Variants in SLC4A2 observed in about 807,000 individuals in gnomAD.
SLC4A2 encodes the protein solute carrier family 4 member 2.
SLC4A2 carries 36 observed loss-of-function variants against 115.0 expected under a neutral mutation model. The observed-to-expected ratio is 0.31, with a 90% CI of 0.24 to 0.41. The LOEUF (loss-of-function observed/expected upper bound fraction) is 0.41, where lower values mean the gene tolerates loss of function less well. Among genes scored for constraint, SLC4A2 ranks in the 10% least tolerant of loss-of-function variants. The probability of loss-of-function intolerance (pLI) is 1.00; values close to 1 mark genes in which losing one functional copy is unlikely to be tolerated. For synonymous variants in SLC4A2, 708 were observed against 708.3 expected (o/e 1.00, Z 0.01); for missense variants, 1,252 against 1,705.6 (o/e 0.73, Z 4.68).
intron 2 of SLC4A2, chr7:151,063,200 T>TG: frequency 1.3e-5 from 1 of 78,152 alleles, no homozygotes; most frequent in Admixed American, 5.5e-4. Context: ...GTGGGGGCTG[T>TG]GGGGGTGGGG....
At chr7:151,075,174 TG>T in intron 19 of SLC4A2, 80 bp from the exon 20 acceptor site, 1 of 1,575,126 alleles carries the variant, frequency 6.3e-7, no homozygotes, top group Middle Eastern at 1.7e-4. Context: ...ATGGAGGGAC[TG>T]GCTGGGCATT....
chr7:151,064,783 G>A lies in SLC4A2; in HGVS notation c.459+16G>A, dbSNP rs769695439. The A allele has an allele frequency of 6.2e-7, 1 of 1,607,216 alleles. No homozygotes were observed. Among genetic ancestry groups the A allele is most frequent in the Non-Finnish European group, 8.5e-7 (1 of 1,175,078 alleles). On this transcript the variant is annotated intron_variant, in intron 4 of 22. Coordinates refer to ENST00000413384, the MANE Select transcript of SLC4A2 (RefSeq NM_003040.4). ...CTCGGTGCAGGTGCGCTGGGTGCGGGCTCCTAGGGCATGTCGGCAGGGCCC... is the reference window on the plus strand; with the variant it reads ...CTCGGTGCAGGTGCGCTGGGTGCGGACTCCTAGGGCATGTCGGCAGGGCCC...
In SLC4A2 at chr7:151,071,696, G is replaced by A. The variant is rs753102340; in HGVS notation, c.2199G>A (p.Lys733=). 57 of 1,609,888 alleles carry A rather than the reference G, an allele frequency of 3.5e-5. No individual in the cohort carries two copies. The highest frequency in any genetic ancestry group is 4.8e-5 in the Non-Finnish European group (56 of 1,177,532). ...AITFGGLLGE[K]TQDLIGVSEL... ...TGGTTCCTACACCCCTAGGAGAGAA[G>A]ACGCAGGACCTGATAGGGGTGTCGG... The change falls in exon 15 of 23, where the codon AAG becomes AAA. Residue 733 remains lysine (K), a synonymous_variant. Coordinates refer to ENST00000413384, the MANE Select transcript of SLC4A2 (RefSeq NM_003040.4). The surrounding 1 kb of genome is among the most constrained non-coding windows in gnomAD (Gnocchi z 5.5).
chr7:151,070,383 G>A (rs1272859940), intron 10 of SLC4A2, 37 bp downstream of exon 10: 3 of 1,610,516 alleles, frequency 1.9e-6, no homozygotes, highest in Admixed American at 1.7e-5. Context: ...GCTGGCGGCA[G>A]GGCTGAGGAA....
rs759125432 is a variant in SLC4A2 at position 151,075,244 on chromosome 7, C to T, written c.3048-11C>T. On this transcript the variant is annotated splice_polypyrimidine_tract_variant and intron_variant, in intron 19 of 22. Coordinates refer to ENST00000413384, the MANE Select transcript of SLC4A2 (RefSeq NM_003040.4). ...CAGCCTGGGCCTCAGCAGCACCCCT[C>T]CCGCTCTCAGGCTCATCATCTCCAA... The T allele has an allele frequency of 5.6e-6, 9 of 1,612,088 alleles. No individual in the cohort carries two copies. In the South Asian group the frequency reaches 9.9e-5, roughly 18 times the overall value.
chr7:151,061,737 A>C, intron 1 of SLC4A2, 188 bp from the exon 2 acceptor site: 1 of 505,930 alleles, frequency 2.0e-6, no homozygotes, highest in Non-Finnish European at 3.6e-6. Context: ...CCCTCGCCTC[A>C]GTCCTCTCCT....
chr7:151,070,409 C>CAA, intron 10 of SLC4A2, 48 bp from the exon 11 acceptor site: 1 of 1,611,772 alleles, frequency 6.2e-7, no homozygotes, highest in Non-Finnish European at 8.5e-7. Flanking sequence ...GGTGTGGACT[C>CAA]AGAGTGGGAG....
chr7:151,076,172 C>G lies in SLC4A2; in HGVS notation c.3631C>G (p.Arg1211Gly), dbSNP rs375284531. The G allele has an allele frequency of 1.9e-6, 3 of 1,611,260 alleles. No homozygotes were observed. The highest frequency in any genetic ancestry group is 3.3e-5 in the Admixed American group (2 of 59,974). Residue 1211 changes from arginine (R) to glycine (G), a missense_variant, in exon 22 of 23, where the codon CGA (arginine) becomes GGA (glycine). Coordinates refer to ENST00000413384, the MANE Select transcript of SLC4A2 (RefSeq NM_003040.4). ...GGTGCTCACCCGTATCTTCACCGAC[C>G]GAGAGATGAAATGTGTAAGCCCTCC... ...MVVLTRIFTDREMKCLDANEA... is the reference protein window; with the variant it reads ...MVVLTRIFTDGEMKCLDANEA...
chr7:151,072,248 C>T (rs1440360212), intron 16 of SLC4A2, 112 bp downstream of exon 16: 7 of 857,426 alleles, frequency 8.2e-6, no homozygotes, highest in Admixed American at 2.3e-5. Flanking sequence ...GGAGCATCCC[C>T]GGGGCTTGTT....
chr7:151,062,693 A>AT (rs1181771438), intron 2 of SLC4A2: 1 of 1,489,042 alleles, frequency 6.7e-7, no homozygotes, highest in East Asian at 2.7e-5. Context: ...CTCTCTCCCC[A>AT]TGGCGGCAAG....
chr7:151,076,400 A>G lies in SLC4A2; in HGVS notation c.*33A>G, dbSNP rs746612432. Reference sequence around the variant, plus strand: ...CGAGGGACAGCCGAGGGACCGATGGACGAGGGGACAGGCTGGTGGGATGGG... The same window carrying G: ...CGAGGGACAGCCGAGGGACCGATGGGCGAGGGGACAGGCTGGTGGGATGGG... On this transcript the variant is annotated 3_prime_UTR_variant, in exon 23 of 23. Transcript: ENST00000413384. 8 of 1,450,446 alleles carry G rather than the reference A, an allele frequency of 5.5e-6. No homozygotes were observed. The East Asian group carries it at 1.8e-4, about 32-fold the overall frequency. 89.8% of individuals were successfully genotyped at this position (1,450,446 alleles called of 1,614,324 possible).
At chr7:151,068,414 G>T (rs953814328) in intron 8 of SLC4A2, among the ~76,000 whole-genome samples, 1 of 152,154 alleles carries the variant, frequency 6.6e-6, no homozygotes, top group African/African-American at 2.4e-5. Flanking sequence ...TCCAAGCCCT[G>T]TGTTTGCTTG....
Position 151,069,936 on chromosome 7 carries a change from T to C in SLC4A2, c.1148-11T>C, listed in dbSNP as rs778552612. The C allele has an allele frequency of 6.8e-6, 11 of 1,613,718 alleles. No individual in the cohort carries two copies. In the East Asian group the frequency reaches 2.5e-4, roughly 36 times the overall value. On this transcript the variant is annotated splice_polypyrimidine_tract_variant and intron_variant, in intron 8 of 22. Coordinates refer to ENST00000413384, the MANE Select transcript of SLC4A2 (RefSeq NM_003040.4). Reference sequence around the variant, plus strand: ...TGGGGCTGAGGGGCCCTCTGTGCCATCTTATGCTAGGGGCTGTGCTCTTGG... The same window carrying C: ...TGGGGCTGAGGGGCCCTCTGTGCCACCTTATGCTAGGGGCTGTGCTCTTGG...
chr7:151,075,325 G>A lies in SLC4A2; in HGVS notation c.3118G>A (p.Val1040Met), dbSNP rs1797587086. The A allele has an allele frequency of 5.0e-6, 8 of 1,613,314 alleles. No homozygotes were observed. The highest frequency in any genetic ancestry group is 1.6e-4 in the Middle Eastern group (1 of 6,062). The change falls in exon 20 of 23, where the codon GTG becomes ATG. Residue 1040 changes from valine (V) to methionine (M), a missense_variant. Transcript: ENST00000413384. Reference protein sequence around the residue: ...SGFHLDLLLIVAMGGICALFG... With the variant: ...SGFHLDLLLIMAMGGICALFG... ...CTTCCACCTGGACCTGCTGCTCATC[G>A]TGGCCATGGGCGGCATCTGTGCCCT...
intron 2 of SLC4A2, chr7:151,063,179 G>A (rs1412755326): frequency 6.9e-7 from 1 of 1,440,962 alleles, no homozygotes; most frequent in Non-Finnish European, 9.2e-7. Context: ...CGCGCCCGCA[G>A]GATGACTCAG....
chr7:151,064,628 G>A lies in SLC4A2; in HGVS notation c.320G>A (p.Arg107Gln), dbSNP rs145741704. The A allele has an allele frequency of 2.6e-3, 4,255 of 1,613,592 alleles. 9 individuals are homozygous for A. The highest frequency in any genetic ancestry group is 3.3e-3 in the Non-Finnish European group (3,879 of 1,179,836). ...KTPQGPGRKPRRRPGASPTGE... is the reference protein window; with the variant it reads ...KTPQGPGRKPQRRPGASPTGE... The stretch of plus-strand genomic sequence containing the variant: ...CCCCAGGGCCCAGGACGGAAGCCTC[G>A]AAGGCGCCCGGGAGCCTCCCCGACT... Residue 107 changes from arginine (R) to glutamine (Q), a missense_variant, in exon 4 of 23, where the codon CGA becomes CAA. This residue lies in a region of SLC4A2 where 215 missense variants were observed against 205.2 expected (regional missense o/e 1.05). Transcript: ENST00000413384.
intron 8 of SLC4A2, among the ~76,000 whole-genome samples, 199 bp from the exon 9 acceptor site, chr7:151,069,748 G>C (rs1014885845): frequency 1.3e-5 from 2 of 152,160 alleles, no homozygotes; most frequent in Non-Finnish European, 2.9e-5. Context: ...CTGGGGGTCT[G>C]GGGGAGGGGA....
rs1797439360 is a variant in SLC4A2, at chr7:151,071,494, C to T, written c.2080C>T (p.Pro694Ser). ...GATCCGAGATGTGCGGCGCCGCTAT[C>T]CCCACTACCTGAGTGACTTCCGAGA... ...GLIRDVRRRY[P>S]HYLSDFRDAL... Residue 694 changes from proline to serine, a missense_variant, in exon 14 of 23, where the codon CCC becomes TCC. This residue lies in a region of SLC4A2 where 122 missense variants were observed against 116.8 expected (regional missense o/e 1.04). Coordinates refer to ENST00000413384, the MANE Select transcript of SLC4A2 (RefSeq NM_003040.4). The surrounding 1 kb of genome is among the most constrained non-coding windows in gnomAD (Gnocchi z 5.5). 6.2e-7 allele frequency: 1 copy of T among 1,613,392 alleles called. No homozygotes were observed. The highest frequency in any genetic ancestry group is 1.3e-5 in the African/African-American group (1 of 74,914).
intron 2 of SLC4A2, among the ~76,000 whole-genome samples, chr7:151,063,366 C>T (rs1269333448): frequency 6.6e-6 from 1 of 152,192 alleles, no homozygotes; most frequent in Admixed American, 6.5e-5. Context: ...TGGGCGCCGC[C>T]AGAAGTTACT....
Sources: gnomAD v4.1 joint callset for allele counts (sites outside exome capture counted in the v4.1 genomes callset) on GRCh38, gnomAD v4.1.1 for gene constraint, gnomAD v4.1.1 regional missense constraint, Gnocchi (gnomAD v3.1) non-coding constraint, MANE v1.5 for transcripts, NCBI Gene and HGNC (gene_info 2026-07-23, HGNC 2026-07-21) for gene names.